Variants in RAP1GDS1 observed in about 807,000 individuals in gnomAD.
RAP1GDS1 encodes the protein Rap1 GTPase-GDP dissociation stimulator 1.
A neutral mutation model predicts 71.1 loss-of-function variants in RAP1GDS1; 35 were observed. The ratio of observed to expected loss-of-function variants is 0.49; its 90% CI spans 0.38 to 0.65. The LOEUF is 0.65. Ranked by LOEUF, RAP1GDS1 falls within the 30% of genes least tolerant of loss-of-function variation. The probability of loss-of-function intolerance (pLI) is 0.00; values close to 1 mark genes in which losing one functional copy is unlikely to be tolerated. For missense variants in RAP1GDS1, 663 were observed against 706.1 expected, an observed-to-expected ratio of 0.94 and a Z score of 0.69; for synonymous variants, 229 against 243.1, an observed-to-expected ratio of 0.94 and a Z score of 0.54.
chr4:98,394,474 T>C (rs908290855), intron 6 of RAP1GDS1, among the ~76,000 whole-genome samples: 1 of 152,076 alleles, frequency 6.6e-6, no homozygotes, highest in Non-Finnish European at 1.5e-5. Context: ...TTCCATGTAG[T>C]ATGTCCATAT....
At chr4:98,303,721 G>T (rs1324491885) in intron 2 of RAP1GDS1, among the ~76,000 whole-genome samples, 1 of 151,596 alleles carries the variant, frequency 6.6e-6, no homozygotes, top group Non-Finnish European at 1.5e-5. Context: ...TTTAAGTTCT[G>T]GAATACATGT....
At chr4:98,416,089 A>G (rs143134926) in intron 7 of RAP1GDS1, among the ~76,000 whole-genome samples, 11 of 151,900 alleles carry the variant, frequency 7.2e-5, no homozygotes, top group African/African-American at 2.7e-4. Flanking sequence ...GCCCTATTTT[A>G]TAGTATTTTA....
chr4:98,280,427 A>C (rs569962191), intron 1 of RAP1GDS1, among the ~76,000 whole-genome samples: 5 of 152,196 alleles, frequency 3.3e-5, no homozygotes, highest in Admixed American at 1.3e-4. Flanking sequence ...GTGTCTGTTC[A>C]TATCCTTTGC....
intron 7 of RAP1GDS1, among the ~76,000 whole-genome samples, chr4:98,406,967 G>A (rs1388731829): frequency 6.6e-6 from 1 of 152,040 alleles, no homozygotes; most frequent in African/African-American, 2.4e-5. Context: ...GATCTTACGT[G>A]TTACAAGTAA....
chr4:98,313,572 G>T (rs1423595970), intron 2 of RAP1GDS1, among the ~76,000 whole-genome samples: 1 of 152,172 alleles, frequency 6.6e-6, no homozygotes, highest in African/African-American at 2.4e-5. Context: ...GGCCTGGTGT[G>T]GTAGCTCACA....
At chr4:98,411,416 A>G (rs1233556729) in intron 7 of RAP1GDS1, among the ~76,000 whole-genome samples, 1 of 152,146 alleles carries the variant, frequency 6.6e-6, no homozygotes, top group African/African-American at 2.4e-5. Flanking sequence ...GGAGTTCAAG[A>G]CCAACCTGGG....
chr4:98,417,217 G>A (rs1245670217), intron 8 of RAP1GDS1, 150 bp from the exon 9 acceptor site: 1 of 880,060 alleles, frequency 1.1e-6, no homozygotes, highest in African/African-American at 1.7e-5. Flanking sequence ...TCTATTAAAT[G>A]TTTATTATAA....
intron 1 of RAP1GDS1, among the ~76,000 whole-genome samples, chr4:98,262,825 C>T (rs963829120): frequency 2.0e-5 from 3 of 152,188 alleles, no homozygotes; most frequent in African/African-American, 7.2e-5. Flanking sequence ...TTTTCTGGAA[C>T]AGCAAATGCT....
intron 2 of RAP1GDS1, among the ~76,000 whole-genome samples, chr4:98,315,765 G>A (rs576709646): frequency 5.1e-4 from 78 of 152,190 alleles, no homozygotes; most frequent in Non-Finnish European, 9.9e-4. Flanking sequence ...TCAGATTGGT[G>A]TTTTAAAAAG....
intron 2 of RAP1GDS1, among the ~76,000 whole-genome samples, chr4:98,326,011 G>T (rs906896642): frequency 1.7e-4 from 26 of 151,940 alleles, no homozygotes; most frequent in Non-Finnish European, 3.4e-4. Flanking sequence ...TAGTACTCCT[G>T]ATGTCTTAAA....
At chr4:98,274,635 A>T (rs1723946929) in intron 1 of RAP1GDS1, among the ~76,000 whole-genome samples, 1 of 152,118 alleles carries the variant, frequency 6.6e-6, no homozygotes, top group South Asian at 2.1e-4. Context: ...GGTTATACTG[A>T]ATTGGTGCTT....
At chr4:98,293,321 A>T in intron 1 of RAP1GDS1, 87 bp from the exon 2 acceptor site, 1 of 837,390 alleles carries the variant, frequency 1.2e-6, no homozygotes, top group Non-Finnish European at 1.9e-6. Flanking sequence ...GAAGCTCTCC[A>T]GTTTAGTGGT....
intron 2 of RAP1GDS1, among the ~76,000 whole-genome samples, chr4:98,316,577 G>C (rs1730973051): frequency 6.6e-6 from 1 of 152,142 alleles, no homozygotes; most frequent in Admixed American, 6.5e-5. Context: ...CAGTGTACTG[G>C]AGGGTTGTTG....
intron 1 of RAP1GDS1, among the ~76,000 whole-genome samples, chr4:98,292,387 G>A (rs1436599758): frequency 2.6e-5 from 4 of 151,762 alleles, no homozygotes; most frequent in Non-Finnish European, 5.9e-5. Context: ...TTCCACCTTG[G>A]CCTCCCAAAG....
chr4:98,324,118 C>T (rs1174482372), intron 2 of RAP1GDS1, among the ~76,000 whole-genome samples: 3 of 149,854 alleles, frequency 2.0e-5, no homozygotes, highest in African/African-American at 7.4e-5. Context: ...CATTCTTATA[C>T]ACCAACAACA....
chr4:98,425,209 G>A (rs1749446093), intron 12 of RAP1GDS1, among the ~76,000 whole-genome samples: 1 of 152,078 alleles, frequency 6.6e-6, no homozygotes, highest in African/African-American at 2.4e-5. Context: ...CCACTACCAA[G>A]CCAGCACTAC....
At chr4:98,299,921 G>A (rs1344888002) in intron 2 of RAP1GDS1, among the ~76,000 whole-genome samples, 2 of 152,020 alleles carry the variant, frequency 1.3e-5, no homozygotes, top group Non-Finnish European at 2.9e-5. Context: ...GCCTGGCCTC[G>A]AAAGTGGTTT....
intron 8 of RAP1GDS1, 56 bp downstream of exon 8, chr4:98,416,944 T>A (rs1748123254): frequency 6.4e-7 from 1 of 1,561,976 alleles, no homozygotes; most frequent in Admixed American, 1.8e-5. Context: ...TTTTAAAATT[T>A]ATTGTCTCTT....
chr4:98,314,596 A>G (rs17027456), intron 2 of RAP1GDS1, among the ~76,000 whole-genome samples: 9,159 of 152,132 alleles, frequency 0.06, 382 homozygotes, highest in South Asian at 0.22. Flanking sequence ...TTATTCTGTT[A>G]TAACTCTGTA....
Sources: allele counts gnomAD v4.1 joint callset (sites outside exome capture counted in the v4.1 genomes callset), GRCh38; gene constraint gnomAD v4.1.1; transcripts MANE v1.5; gene names NCBI Gene and HGNC (gene_info 2026-07-23, HGNC 2026-07-21).